The following DTNB variants were observed in gnomAD, a reference collection of about 807,000 sequenced individuals.
DTNB encodes dystrobrevin beta, also known as DTN-B.
In DTNB, 63 loss-of-function variants were observed where a neutral mutation model predicts 90.7. The observed-to-expected ratio is 0.69, with a 90% CI of 0.57 to 0.86. DTNB has a LOEUF of 0.86. Among genes scored for constraint, DTNB ranks in the 40% least tolerant of loss-of-function variants. DTNB has a pLI of 0.00. For missense variants in DTNB, 744 were observed against 807.1 expected (o/e 0.92, Z 0.95); for synonymous variants, 277 against 286.7 (o/e 0.97, Z 0.34).
At chr2:25,549,950 T>G (rs554064939) in intron 8 of DTNB, among the ~76,000 whole-genome samples, 1 of 151,996 alleles carries the variant, frequency 6.6e-6, no homozygotes, top group South Asian at 2.1e-4. Context: ...TGTGAGCCAC[T>G]GTGCCCAGCC....
At chr2:25,526,385 ATATATATATATTTTT>A (rs1226754656) in intron 9 of DTNB, among the ~76,000 whole-genome samples, 13 of 53,814 alleles carry the variant, frequency 2.4e-4, no homozygotes, top group African/African-American at 7.8e-4. Context: ...ATATATATAT[ATATATATATATTTTT>A]TTTTTTTTAA....
At chr2:25,620,385 G>A (rs1250115665) in intron 4 of DTNB, among the ~76,000 whole-genome samples, 1 of 152,184 alleles carries the variant, frequency 6.6e-6, no homozygotes, top group African/African-American at 2.4e-5. Context: ...GTGAGGTACT[G>A]AATGGACAGG....
chr2:25,412,948 T>C (rs1293181396), intron 16 of DTNB, among the ~76,000 whole-genome samples: 2 of 152,242 alleles, frequency 1.3e-5, no homozygotes, highest in African/African-American at 4.8e-5. Flanking sequence ...GTGACCCTAG[T>C]GTCCCTCTGT....
chr2:25,618,225 C>T (rs1183302535), intron 4 of DTNB, among the ~76,000 whole-genome samples: 1 of 152,066 alleles, frequency 6.6e-6, no homozygotes, highest in Non-Finnish European at 1.5e-5. Flanking sequence ...TTCTTTAGAG[C>T]CCCAGCATTC....
At chr2:25,385,990 G>A (rs2039363350) in intron 18 of DTNB, 1 of 980,392 alleles carries the variant, frequency 1.0e-6, no homozygotes, top group Admixed American at 6.1e-5. Context: ...TCTGACATCT[G>A]TGGGGAGCTG....
At position 25,433,972 on chromosome 2, in the gene DTNB, G is replaced by A; in HGVS notation, c.1281C>T (p.Ser427=). ...GTTGTTTGTTGGCATCAAAGTTAAA[G>A]CTCAAGTCAGTGGGAGGACGAGTCT... ...GNVTRPPTDL[S]FNFDANKQQR... is the part of the protein sequence containing the mutation. The change falls in exon 13 of 21, where the codon AGC becomes AGT. Residue 427 remains serine (S), a synonymous_variant. Transcript: ENST00000406818. 1 of 1,613,752 alleles carries A rather than the reference G, an allele frequency of 6.2e-7. No homozygotes were observed. The highest frequency in any genetic ancestry group is 8.5e-7 in the Non-Finnish European group (1 of 1,179,828).
At chr2:25,437,775 C>T (rs1243424894) in intron 12 of DTNB, among the ~76,000 whole-genome samples, 2 of 152,160 alleles carry the variant, frequency 1.3e-5, no homozygotes, top group African/African-American at 2.4e-5. Flanking sequence ...ATAAGTAGTT[C>T]ACACATTTAT....
intron 1 of DTNB, among the ~76,000 whole-genome samples, chr2:25,671,117 A>G (rs2085770916): frequency 6.6e-6 from 1 of 152,216 alleles, no homozygotes. Flanking sequence ...ACATATGCCT[A>G]AGAGAAGTCA....
chr2:25,595,573 A>C (rs1178845819), intron 6 of DTNB, among the ~76,000 whole-genome samples: 1 of 152,166 alleles, frequency 6.6e-6, no homozygotes, highest in African/African-American at 2.4e-5. Flanking sequence ...TTAAGATCTC[A>C]GAAACACACT....
At chr2:25,383,739 T>G in intron 19 of DTNB, 97 bp downstream of exon 19, 1 of 1,610,342 alleles carries the variant, frequency 6.2e-7, no homozygotes, top group Non-Finnish European at 8.5e-7. Flanking sequence ...CTGGGAAAGG[T>G]GGTGGCAGGG....
intron 16 of DTNB, among the ~76,000 whole-genome samples, chr2:25,412,559 G>C (rs2046872871): frequency 6.6e-6 from 1 of 152,166 alleles, no homozygotes; most frequent in African/African-American, 2.4e-5. Flanking sequence ...TAAGCCTGAT[G>C]ATCATTATAT....
At chr2:25,540,358 ATG>A (rs1316197133) in intron 8 of DTNB, among the ~76,000 whole-genome samples, 1 of 152,210 alleles carries the variant, frequency 6.6e-6, no homozygotes, top group Non-Finnish European at 1.5e-5. Flanking sequence ...AAGGATTTAT[ATG>A]TCTGTTCTTA....
At chr2:25,642,556 G>A (rs924058824) in intron 2 of DTNB, among the ~76,000 whole-genome samples, 2 of 151,316 alleles carry the variant, frequency 1.3e-5, no homozygotes, top group South Asian at 2.1e-4. Context: ...GACCACAGGT[G>A]TGTGCCACCA....
Position 25,482,927 on chromosome 2 carries a change from G to C in DTNB, c.1002-54C>G, listed in dbSNP as rs565636505. The C allele has an allele frequency of 1.7e-5, 25 of 1,514,282 alleles. No individual in the cohort carries two copies. The South Asian group carries it at 1.9e-4, about 11-fold the overall frequency. 93.8% of individuals were successfully genotyped at this position (1,514,282 alleles called of 1,614,324 possible). ...AATAATGACCAACTAGGGGAAACAA[G>C]GGAAACGACGATAAGCATGGTAAGA... On this transcript the variant is annotated intron_variant, in intron 9 of 20. Transcript: ENST00000406818.
chr2:25,481,998 G>A (rs897514092), intron 10 of DTNB, among the ~76,000 whole-genome samples: 1 of 152,300 alleles, frequency 6.6e-6, no homozygotes, highest in East Asian at 1.9e-4. Context: ...AAAGCAATCG[G>A]TACATATGGC....
chr2:25,643,146 A>G (rs1401061354), intron 2 of DTNB, among the ~76,000 whole-genome samples: 1 of 151,954 alleles, frequency 6.6e-6, no homozygotes, highest in Admixed American at 6.6e-5. Flanking sequence ...CACTCTTCAA[A>G]TTTCACCTCA....
chr2:25,542,974 G>A (rs1572334701), intron 8 of DTNB, among the ~76,000 whole-genome samples: 2 of 151,974 alleles, frequency 1.3e-5, no homozygotes, highest in East Asian at 3.9e-4. Context: ...GTTTGAAAAT[G>A]TATTTCTCAA....
At chr2:25,503,699 G>A (rs2071454227) in intron 9 of DTNB, among the ~76,000 whole-genome samples, 1 of 151,994 alleles carries the variant, frequency 6.6e-6, no homozygotes, top group Admixed American at 6.6e-5. Flanking sequence ...CGGATCACGA[G>A]GTCAGGAGAT....
chr2:25,446,570 AT>A (rs60851298), intron 12 of DTNB, among the ~76,000 whole-genome samples: 1,584 of 149,386 alleles, frequency 0.011, 22 homozygotes, highest in African/African-American at 0.033. Context: ...TTTTAAAGGG[AT>A]TTTTTTTTTC....
Sources: gnomAD v4.1 joint callset for allele counts (sites outside exome capture counted in the v4.1 genomes callset) on GRCh38, gnomAD v4.1.1 for gene constraint, MANE v1.5 for transcripts, NCBI Gene and HGNC (gene_info 2026-07-23, HGNC 2026-07-21) for gene names.